The following PCDHA3 variants were observed in gnomAD, a reference collection of about 807,000 sequenced individuals.
PCDHA3 encodes protocadherin alpha 3, also known as protocadherin alpha-3.
In PCDHA3, 41 loss-of-function variants were observed where a neutral mutation model predicts 62.2. That is an observed-to-expected ratio of 0.66 (90% CI 0.51 to 0.86). The LOEUF (loss-of-function observed/expected upper bound fraction) is 0.86, where lower values mean the gene tolerates loss of function less well. Among genes scored for constraint, PCDHA3 ranks in the 40% least tolerant of loss-of-function variants. The pLI is 0.00. For missense variants in PCDHA3, 1,304 were observed against 1,241.2 expected (o/e 1.05, Z -0.76); for synonymous variants, 640 against 555.4 (o/e 1.15, Z -2.14).
At chr5:140,837,445 G>A (rs1228498805) in intron 1 of PCDHA3, among the ~76,000 whole-genome samples, 1 of 151,888 alleles carries the variant, frequency 6.6e-6, no homozygotes, top group Non-Finnish European at 1.5e-5. Context: ...CTAGTACGTA[G>A]TAAAAAATCT....
At chr5:140,850,249 T>TGGGC in intron 1 of PCDHA3, 1 of 1,593,502 alleles carries the variant, frequency 6.3e-7, no homozygotes, top group Non-Finnish European at 8.6e-7. Context: ...CTGCGGTCGG[T>TGGGC]GGGCGCCGGC....
In PCDHA3 at chr5:140,925,899, G is replaced by T. The variant is rs149135478; in HGVS notation, c.2395-53050G>T. ...TATAACCTCCTCTTTCACCCAGATC[G>T]TCAAGGGCCGTTTGCAAAGCACTCC... is the stretch of plus-strand genomic sequence containing the variant. On this transcript the variant is annotated intron_variant, in intron 1 of 3. Transcript: ENST00000522353. Among the ~76,000 whole-genome samples, 277 of 151,958 alleles carry T rather than the reference G, an allele frequency of 1.8e-3. 3 individuals carry two copies. The highest frequency in any genetic ancestry group is 6.4e-3 in the African/African-American group (264 of 41,382).
At position 140,850,757 on chromosome 5, in the gene PCDHA3, G is replaced by C. The variant is rs1554144879; in HGVS notation, c.2394+47166G>C. On this transcript the variant is annotated intron_variant, in intron 1 of 3. Coordinates refer to ENST00000522353, the MANE Select transcript of PCDHA3 (RefSeq NM_018906.3). ...GGAGTTGGTCGTACTCGCAGCAGAGGAGGCAGAGGGTGTGCTCTGGCGAGG... is the reference window on the plus strand; with the variant it reads ...GGAGTTGGTCGTACTCGCAGCAGAGCAGGCAGAGGGTGTGCTCTGGCGAGG... The C allele has an allele frequency of 1.3e-5, 20 of 1,597,958 alleles. 2 individuals are homozygous for C. The highest frequency in any genetic ancestry group is 1.4e-5 in the Non-Finnish European group (16 of 1,167,660).
Position 140,802,046 on chromosome 5 carries a change from G to T in PCDHA3, c.849G>T (p.Thr283=). Residue 283 remains threonine (T), a synonymous_variant, in exon 1 of 4, where the codon ACG becomes ACT. Coordinates refer to ENST00000522353, the MANE Select transcript of PCDHA3 (RefSeq NM_018906.3). ...VNKDIAYSFN[T]DMSADILSKF... ...AGGATATCGCGTATTCTTTCAATAC[G>T]GACATGTCAGCAGATATTCTGTCAA... 6.2e-7 allele frequency: 1 copy of T among 1,614,100 alleles called. No homozygotes were observed. Among genetic ancestry groups the T allele is most frequent in the East Asian group, 2.2e-5 (1 of 44,878 alleles).
At chr5:140,952,325 T>G in intron 1 of PCDHA3, among the ~76,000 whole-genome samples, 1 of 133,382 alleles carries the variant, frequency 7.5e-6, no homozygotes, top group Non-Finnish European at 1.6e-5. Context: ...GCAACAAGAG[T>G]GAAACTCCAT....
chr5:140,935,044 G>C (rs1246943645), intron 1 of PCDHA3, among the ~76,000 whole-genome samples: 1 of 151,942 alleles, frequency 6.6e-6, no homozygotes, highest in African/African-American at 2.4e-5. Context: ...CTTGATTTCT[G>C]GTATTACAAG....
At chr5:140,938,752 A>G (rs1213369856) in intron 1 of PCDHA3, among the ~76,000 whole-genome samples, 1 of 152,146 alleles carries the variant, frequency 6.6e-6, no homozygotes, top group Non-Finnish European at 1.5e-5. Flanking sequence ...TTTTAAAGGC[A>G]TAGTTATTGG....
At chr5:140,831,040 T>C (rs1208803286) in intron 1 of PCDHA3, 1 of 152,248 alleles carries the variant, frequency 6.6e-6, no homozygotes, top group East Asian at 1.9e-4. Context: ...CGGGAGGCAA[T>C]AGTGTTCATT....
chr5:140,980,359 C>T (rs369647369), intron 2 of PCDHA3, among the ~76,000 whole-genome samples: 1 of 152,114 alleles, frequency 6.6e-6, no homozygotes. Context: ...GGACTGGGCG[C>T]GGTGGCTCAC....
chr5:140,990,895 G>A (rs550774822), intron 3 of PCDHA3, among the ~76,000 whole-genome samples: 15 of 152,284 alleles, frequency 9.9e-5, no homozygotes, highest in Non-Finnish European at 1.9e-4. Flanking sequence ...GTGGGTCGTT[G>A]CTGGGTCAAG....
intron 1 of PCDHA3, chr5:140,824,046 G>C (rs2150131772): frequency 1.2e-6 from 2 of 1,614,126 alleles, no homozygotes; most frequent in Non-Finnish European, 1.7e-6. Context: ...GACAGAGGGT[G>C]TGCTCTGGGG....
chr5:140,822,074 A>G (rs1554128431), intron 1 of PCDHA3: 3 of 1,614,224 alleles, frequency 1.9e-6, no homozygotes, highest in Non-Finnish European at 2.5e-6. Flanking sequence ...CGGAGGGCGG[A>G]GTGCAGCATC....
chr5:140,984,505 TGATGCATGAGTCACA>T (rs2097106604), intron 3 of PCDHA3, among the ~76,000 whole-genome samples: 1 of 152,206 alleles, frequency 6.6e-6, no homozygotes, highest in African/African-American at 2.4e-5. Context: ...GCCTGGCTGC[TGATGCATGAGTCACA>T]GTCTTCATGG....
rs782030896 is a variant in PCDHA3, at chr5:140,857,680, G to C, written c.2394+54089G>C. ...CGCGCGATGGGGGCGTGCCGCCTCT[G>C]GGCAGCAACTTGACGCTGCAGGTGT... On this transcript the variant is annotated intron_variant, in intron 1 of 3. Coordinates refer to ENST00000522353, the MANE Select transcript of PCDHA3 (RefSeq NM_018906.3). 20 of 1,597,122 alleles carry C rather than the reference G, an allele frequency of 1.3e-5. 2 individuals are homozygous for C. Among genetic ancestry groups the C allele is most frequent in the South Asian group, 2.2e-5 (2 of 90,508 alleles).
intron 3 of PCDHA3, among the ~76,000 whole-genome samples, chr5:141,005,089 A>C (rs1554259886): frequency 6.6e-6 from 1 of 152,244 alleles, no homozygotes; most frequent in Non-Finnish European, 1.5e-5. Context: ...TTAGTACTTT[A>C]CATGCATTAC....
rs2150513475 is a variant in PCDHA3 at position 140,852,208 on chromosome 5, C to T, written c.2394+48617C>T. On this transcript the variant is annotated intron_variant, in intron 1 of 3. Transcript: ENST00000522353. ...AAATGCCAGTAACGTTTATTTAAAA[C>T]AAAATATTTTAATTTTTAAATTTTC... The T allele has an allele frequency of 5.2e-5, 34 of 657,540 alleles. 1 individual carries two copies. The African/African-American group carries it at 5.9e-4, about 11-fold the overall frequency. The allele number at this position is 657,540 out of a possible 1,614,324, so 40.7% of individuals were successfully genotyped here.
intron 1 of PCDHA3, chr5:140,870,675 C>T (rs1554164570): frequency 6.2e-7 from 1 of 1,612,672 alleles, no homozygotes. Flanking sequence ...CGTTGGACCA[C>T]GAGGAGCTGG....
intron 1 of PCDHA3, chr5:140,881,180 T>C: frequency 6.0e-6 from 1 of 167,460 alleles, no homozygotes; most frequent in Non-Finnish European, 1.2e-5. Context: ...TTTTCCTTGC[T>C]AAAGATATGT....
At chr5:140,879,229 T>C (rs1415984062) in intron 1 of PCDHA3, among the ~76,000 whole-genome samples, 2 of 152,102 alleles carry the variant, frequency 1.3e-5, no homozygotes, top group African/African-American at 2.4e-5. Context: ...AAAAGACATA[T>C]ACAAGAGGCA....
Sources: gnomAD v4.1 joint callset for allele counts (sites outside exome capture counted in the v4.1 genomes callset) on GRCh38, gnomAD v4.1.1 for gene constraint, MANE v1.5 for transcripts, NCBI Gene and HGNC (gene_info 2026-07-23, HGNC 2026-07-21) for gene names.